Variants in GLI2 observed in about 807,000 individuals in gnomAD.
The protein encoded by GLI2 is GLI family zinc finger 2.
Under a neutral mutation model 78.9 loss-of-function variants are expected in GLI2, and 22 were observed. That is an observed-to-expected ratio of 0.28 (90% CI 0.20 to 0.40). The LOEUF is 0.40. GLI2 is among the 10% of genes least tolerant of loss of function. The pLI is 1.00. For missense variants in GLI2, 2,097 were observed against 2,213.2 expected, an observed-to-expected ratio of 0.95 and a Z score of 1.05; for synonymous variants, 974 against 963.7, an observed-to-expected ratio of 1.01 and a Z score of -0.20.
chr2:120,795,129 A>G (rs13387552), intron 1 of GLI2, among the ~76,000 whole-genome samples: 34,689 of 152,144 alleles, frequency 0.23, 7,880 homozygotes, highest in African/African-American at 0.59. Flanking sequence ...AGCTGAGGTG[A>G]GAGGATCCCT....
chr2:120,810,116 C>A (rs1320547383), intron 2 of GLI2, among the ~76,000 whole-genome samples: 2 of 152,354 alleles, frequency 1.3e-5, no homozygotes, highest in Middle Eastern at 3.4e-3. Context: ...CAGGGATGGC[C>A]TCACAGCCTT....
intron 2 of GLI2, among the ~76,000 whole-genome samples, chr2:120,837,687 T>C (rs566470376): frequency 6.6e-6 from 1 of 152,394 alleles, no homozygotes; most frequent in East Asian, 1.9e-4. Flanking sequence ...TGACATTATG[T>C]AGAGATCAAA....
intron 2 of GLI2, among the ~76,000 whole-genome samples, chr2:120,871,967 C>A (rs150417566): frequency 6.6e-6 from 1 of 152,144 alleles, no homozygotes; most frequent in East Asian, 1.9e-4. Context: ...CATGGAGGGA[C>A]CCCCGGGGTC....
At chr2:120,811,384 C>T (rs956642277) in intron 2 of GLI2, among the ~76,000 whole-genome samples, 2 of 152,174 alleles carry the variant, frequency 1.3e-5, no homozygotes, top group African/African-American at 4.8e-5. Flanking sequence ...TCCTTTTGAG[C>T]TCCCCATAAG....
intron 3 of GLI2, among the ~76,000 whole-genome samples, chr2:120,941,952 G>A (rs1456197036): frequency 1.3e-5 from 2 of 152,164 alleles, no homozygotes; most frequent in Non-Finnish European, 2.9e-5. Flanking sequence ...GGATGGGAAC[G>A]CAGGACTCAG....
intron 1 of GLI2, among the ~76,000 whole-genome samples, chr2:120,741,089 C>CG (rs1166838594): frequency 6.6e-6 from 1 of 152,094 alleles, no homozygotes; most frequent in East Asian, 1.9e-4. Flanking sequence ...GGAGGTGGGG[C>CG]GGGGGGTGTT....
intron 2 of GLI2, among the ~76,000 whole-genome samples, chr2:120,823,668 C>G (rs1685894490): frequency 6.6e-6 from 1 of 152,206 alleles, no homozygotes; most frequent in Admixed American, 6.5e-5. Context: ...TTCCCTGATT[C>G]TCTTATGGGA....
At chr2:120,789,033 C>T (rs12472315) in intron 1 of GLI2, among the ~76,000 whole-genome samples, 34,957 of 126,332 alleles carry the variant, frequency 0.28, 5,242 homozygotes, top group Non-Finnish European at 0.29. Context: ...TTCTTTCTTT[C>T]TTTTTTTTTT....
At chr2:120,838,154 T>C (rs1422281563) in intron 2 of GLI2, among the ~76,000 whole-genome samples, 1 of 152,200 alleles carries the variant, frequency 6.6e-6, no homozygotes, top group African/African-American at 2.4e-5. Flanking sequence ...TTTATGTCTT[T>C]TTGTTTTATC....
Position 120,788,987 on chromosome 2 carries a change from C to T in GLI2, c.-30-8304C>T, listed in dbSNP as rs146013971. On this transcript the variant is annotated intron_variant, in intron 1 of 13. Transcript: ENST00000361492. ...TGCCCTCCCCAGATACCCTGACAGC[C>T]CCTATGGTTCCCCTTCAATCTGGCT... 3.5e-3 allele frequency among the ~76,000 whole-genome samples: 529 copies of T among 152,216 alleles called. 3 individuals carry two copies. The highest frequency in any genetic ancestry group is 0.012 in the African/African-American group (501 of 41,530).
chr2:120,972,172 G>A, intron 8 of GLI2, 109 bp downstream of exon 8: 1 of 1,214,772 alleles, frequency 8.2e-7, no homozygotes, highest in Non-Finnish European at 1.2e-6. Context: ...CTGCCTGCAT[G>A]GATGAATGAG....
chr2:120,910,896 C>T (rs186276100), intron 2 of GLI2, among the ~76,000 whole-genome samples: 7 of 152,364 alleles, frequency 4.6e-5, no homozygotes, highest in Non-Finnish European at 7.3e-5. Context: ...GGAAAGACCA[C>T]GAATGAAGTG....
intron 2 of GLI2, among the ~76,000 whole-genome samples, chr2:120,916,882 A>G (rs1174296880): frequency 6.6e-6 from 1 of 152,220 alleles, no homozygotes; most frequent in Non-Finnish European, 1.5e-5. Flanking sequence ...TCCCTAGATC[A>G]GACCTGGATG....
chr2:120,859,894 C>A (rs1687829375), intron 2 of GLI2, among the ~76,000 whole-genome samples: 1 of 152,208 alleles, frequency 6.6e-6, no homozygotes, highest in South Asian at 2.1e-4. Context: ...CTCAGACGAT[C>A]TGCCCACCTC....
At chr2:120,792,853 C>T (rs1446724726) in intron 1 of GLI2, among the ~76,000 whole-genome samples, 1 of 152,184 alleles carries the variant, frequency 6.6e-6, no homozygotes, top group African/African-American at 2.4e-5. Context: ...CATCTCCTGA[C>T]CTCATGATCC....
At chr2:120,885,919 C>T (rs1677372032) in intron 2 of GLI2, among the ~76,000 whole-genome samples, 1 of 152,212 alleles carries the variant, frequency 6.6e-6, no homozygotes, top group Non-Finnish European at 1.5e-5. Context: ...AACCATACTT[C>T]TGTCATTCTT....
In GLI2 at chr2:120,797,408, A is replaced by C. The variant is rs201053024; in HGVS notation, c.88A>C (p.Lys30Gln). Residue 30 changes from lysine (K) to glutamine (Q), a missense_variant, in exon 2 of 14, where the codon AAA becomes CAA. Lys to Gln is a moderately conservative substitution (Grantham distance 53, BLOSUM62 1). Transcript: ENST00000361492. ...LEAAGFPDPG[K>Q]KASPLVVAAA... ...GGCCGCTGGCTTCCCCGACCCGGGT[A>C]AAAAGGCCTCTCCTTTGGTGGTGGC... 6.3e-5 allele frequency: 102 copies of C among 1,613,688 alleles called. No homozygotes were observed. Among genetic ancestry groups the C allele is most frequent in the Non-Finnish European group, 5.9e-6 (7 of 1,179,808 alleles).
In GLI2 at chr2:120,958,115, T is replaced by G. The variant is rs114495546; in HGVS notation, c.643+2685T>G. 5.0e-3 allele frequency among the ~76,000 whole-genome samples: 768 copies of G among 152,258 alleles called. 7 individuals carry two copies. The highest frequency in any genetic ancestry group is 0.018 in the African/African-American group (742 of 41,578). On this transcript the variant is annotated intron_variant, in intron 5 of 13. Coordinates refer to ENST00000361492, the MANE Select transcript of GLI2 (RefSeq NM_001374353.1). Reference sequence around the variant, plus strand: ...GCCTGGGTCAGGCCTGGCTGCACGGTGTCCTCCCTGTGGTAGCTGGGCTCA... The same window carrying G: ...GCCTGGGTCAGGCCTGGCTGCACGGGGTCCTCCCTGTGGTAGCTGGGCTCA...
intron 2 of GLI2, among the ~76,000 whole-genome samples, chr2:120,914,738 G>C (rs928021433): frequency 1.3e-5 from 2 of 152,194 alleles, no homozygotes; most frequent in Non-Finnish European, 1.5e-5. Context: ...GGGCCCTACT[G>C]CGTGCCTGGC....
Sources: allele counts gnomAD v4.1 joint callset (sites outside exome capture counted in the v4.1 genomes callset), GRCh38; gene constraint gnomAD v4.1.1; transcripts MANE v1.5; gene names NCBI Gene and HGNC (gene_info 2026-07-23, HGNC 2026-07-21).